Variants in PREX1 observed in about 807,000 individuals in gnomAD.
PREX1 encodes phosphatidylinositol 3,4,5-trisphosphate-dependent Rac exchanger 1 protein.
PREX1 carries 41 observed loss-of-function variants against 198.3 expected under a neutral mutation model. The observed-to-expected ratio is 0.21, with a 90% CI of 0.16 to 0.27. The LOEUF (loss-of-function observed/expected upper bound fraction) is 0.27, where lower values mean the gene tolerates loss of function less well. Ranked by LOEUF, PREX1 falls within the 10% of genes least tolerant of loss-of-function variation. PREX1 has a pLI of 1.00. For missense variants in PREX1, 1,620 were observed against 2,200.7 expected (o/e 0.74, Z 5.28); for synonymous variants, 843 against 887.2 (o/e 0.95, Z 0.89).
rs1023698766 is a variant in PREX1, at chr20:48,804,028, T to G, written c.219+23614A>C. On this transcript the variant is annotated intron_variant, in intron 1 of 39. Coordinates refer to ENST00000371941, the MANE Select transcript of PREX1 (RefSeq NM_020820.4). Reference sequence around the variant, plus strand: ...TGTAATGTCTCACTTAGGTGCCCATTTTCTCCCCTGGACTGGAGCCCTTGA... The same window carrying G: ...TGTAATGTCTCACTTAGGTGCCCATGTTCTCCCCTGGACTGGAGCCCTTGA... Among the ~76,000 whole-genome samples, 7 of 152,222 alleles carry G rather than the reference T, an allele frequency of 4.6e-5. No homozygotes were observed. The East Asian group carries it at 1.3e-3, about 29-fold the overall frequency.
chr20:48,861,414 A>G, the PREX1 span, among the ~76,000 whole-genome samples: 2 of 152,194 alleles, frequency 1.3e-5, no homozygotes, highest in South Asian at 4.1e-4. Context: ...ATCCCATTAG[A>G]AGGTCCGGCC....
At chr20:48,784,915 T>C (rs1869979068) in intron 1 of PREX1, among the ~76,000 whole-genome samples, 1 of 149,254 alleles carries the variant, frequency 6.7e-6, no homozygotes, top group Non-Finnish European at 1.5e-5. Flanking sequence ...TATTTCTTTC[T>C]CTCTTTTTTT....
chr20:48,806,364 G>C (rs2090411801), intron 1 of PREX1, among the ~76,000 whole-genome samples: 1 of 152,176 alleles, frequency 6.6e-6, no homozygotes, highest in Non-Finnish European at 1.5e-5. Flanking sequence ...GCCTATGGGA[G>C]GGTTTATGTG....
At chr20:48,713,923 C>A (rs1034125084) in intron 5 of PREX1, among the ~76,000 whole-genome samples, 19 of 150,498 alleles carry the variant, frequency 1.3e-4, no homozygotes, top group African/African-American at 4.6e-4. Context: ...AATTGAGAGT[C>A]CAGAAATAAA....
intron 1 of PREX1, among the ~76,000 whole-genome samples, chr20:48,759,142 C>T (rs58238460): frequency 0.014 from 2,192 of 152,254 alleles, 54 homozygotes; most frequent in African/African-American, 0.05. Context: ...CTGCCCCTGC[C>T]ACCTACTGCT....
chr20:48,638,776 A>G (rs933209861), intron 30 of PREX1, among the ~76,000 whole-genome samples: 16 of 152,204 alleles, frequency 1.1e-4, no homozygotes, highest in African/African-American at 3.6e-4. Context: ...CCTCCTGACC[A>G]CACGGGAAGG....
upstream of PREX1, among the ~76,000 whole-genome samples, chr20:48,830,524 G>C (rs975474787): frequency 1.5e-4 from 23 of 152,192 alleles, no homozygotes; most frequent in Non-Finnish European, 1.5e-5. Context: ...ACCAAGGAAG[G>C]TTAGCCTCAA....
At chr20:48,830,101 G>A (rs1299761372), upstream of PREX1, among the ~76,000 whole-genome samples, 2 of 152,094 alleles carry the variant, frequency 1.3e-5, no homozygotes, top group Non-Finnish European at 2.9e-5. Flanking sequence ...CAGTGGCTCC[G>A]GCCTCTAATC....
At position 48,659,158 on chromosome 20, in the gene PREX1, G is replaced by A. The variant is rs1488022613; in HGVS notation, c.1881+761C>T. Among the ~76,000 whole-genome samples the A allele has an allele frequency of 2.1e-5, 3 of 140,262 alleles. No individual in the cohort carries two copies. The East Asian group carries it at 6.8e-4, about 32-fold the overall frequency. 92.0% of individuals were successfully genotyped at this position (140,262 alleles called of 152,430 possible). ...GAGAGGAGAGAGGAGAGAGGGGAGGGGAGAAAGGGGAAGGGAGGGGAGAGA... is the reference window on the plus strand; with the variant it reads ...GAGAGGAGAGAGGAGAGAGGGGAGGAGAGAAAGGGGAAGGGAGGGGAGAGA... On this transcript the variant is annotated intron_variant, in intron 16 of 39. Coordinates refer to ENST00000371941, the MANE Select transcript of PREX1 (RefSeq NM_020820.4).
intron 4 of PREX1, among the ~76,000 whole-genome samples, chr20:48,726,853 G>C (rs1313588146): frequency 1.3e-5 from 2 of 152,172 alleles, no homozygotes; most frequent in Non-Finnish European, 2.9e-5. Context: ...CCTGAGAATG[G>C]AAACATCTGT....
At chr20:48,794,107 C>T (rs73260213) in intron 1 of PREX1, among the ~76,000 whole-genome samples, 2,859 of 152,222 alleles carry the variant, frequency 0.019, 108 homozygotes, top group African/African-American at 0.066. Context: ...TTATGAACAC[C>T]CCCATAATTT....
chr20:48,818,651 T>TC (rs2090469443), intron 1 of PREX1, among the ~76,000 whole-genome samples: 1 of 152,102 alleles, frequency 6.6e-6, no homozygotes, highest in East Asian at 1.9e-4. Context: ...GAAAAATCCA[T>TC]CCCCCACAGG....
At chr20:48,814,824 A>G (rs1382019964) in intron 1 of PREX1, among the ~76,000 whole-genome samples, 1 of 152,234 alleles carries the variant, frequency 6.6e-6, no homozygotes, top group Non-Finnish European at 1.5e-5. Flanking sequence ...CATTAAATAT[A>G]CATAAGCTAA....
rs528660791 is a variant in PREX1 at position 48,726,102 on chromosome 20, C to T, written c.621+188G>A. On this transcript the variant is annotated intron_variant, in intron 5 of 39. Transcript: ENST00000371941. The stretch of plus-strand genomic sequence containing the variant: ...GGAGAACCACAGCCACCTGCTGCCA[C>T]ACTGAAAATAAGCCTGAATGGTGGA... Among the ~76,000 whole-genome samples, 53 of 152,336 alleles carry T rather than the reference C, an allele frequency of 3.5e-4. No individual in the cohort carries two copies. The South Asian group carries it at 0.011, about 30-fold the overall frequency.
chr20:48,812,722 G>A (rs931009319), intron 1 of PREX1, among the ~76,000 whole-genome samples: 1 of 152,168 alleles, frequency 6.6e-6, no homozygotes, highest in East Asian at 1.9e-4. Context: ...ACACACAGAT[G>A]GAGCAGCTGG....
intron 1 of PREX1, among the ~76,000 whole-genome samples, chr20:48,810,071 C>T (rs1320508735): frequency 3.9e-5 from 6 of 152,142 alleles, no homozygotes; most frequent in South Asian, 2.1e-4. Flanking sequence ...GAATGCTGTG[C>T]GCGGCTCCTT....
At chr20:48,867,315 C>T in the PREX1 span, among the ~76,000 whole-genome samples, 1 of 152,188 alleles carries the variant, frequency 6.6e-6, no homozygotes, top group African/African-American at 2.4e-5. Flanking sequence ...CCAAGGCCAC[C>T]CAGCAAGTTA....
intron 13 of PREX1, among the ~76,000 whole-genome samples, chr20:48,676,661 T>C (rs2089711596): frequency 6.6e-6 from 1 of 152,188 alleles, no homozygotes; most frequent in Admixed American, 6.5e-5. Flanking sequence ...AGGCCGGGGA[T>C]GCTGCTGAAG....
chr20:48,786,164 T>C (rs2090311248), intron 1 of PREX1, among the ~76,000 whole-genome samples: 1 of 151,396 alleles, frequency 6.6e-6, no homozygotes, highest in South Asian at 2.1e-4. Context: ...ACCTGGAATC[T>C]AGGCCTGAAC....
Sources: allele counts gnomAD v4.1 joint callset (sites outside exome capture counted in the v4.1 genomes callset), GRCh38; gene constraint gnomAD v4.1.1; transcripts MANE v1.5; gene names NCBI Gene and HGNC (gene_info 2026-07-23, HGNC 2026-07-21).